The following CCDC93 variants were observed in gnomAD, a reference collection of about 807,000 sequenced individuals.
The protein encoded by CCDC93 is CCC complex scaffolding subunit CCDC93, also known as coiled-coil domain-containing protein 93.
CCDC93 carries 61 observed loss-of-function variants against 108.2 expected under a neutral mutation model. The ratio of observed to expected loss-of-function variants is 0.56; its 90% CI spans 0.46 to 0.70. CCDC93 has a LOEUF of 0.70. Among genes scored for constraint, CCDC93 ranks in the 30% least tolerant of loss-of-function variants. The pLI is 0.00. For missense variants in CCDC93, 685 were observed against 764.2 expected, an observed-to-expected ratio of 0.90 and a Z score of 1.22; for synonymous variants, 276 against 260.4, an observed-to-expected ratio of 1.06 and a Z score of -0.58.
chr2:117,925,256 A>T (rs866419631), intron 23 of CCDC93, among the ~76,000 whole-genome samples: 12 of 152,212 alleles, frequency 7.9e-5, no homozygotes. Context: ...GACAGGATCA[A>T]ATTCACACAT....
chr2:117,967,685 G>A (rs1679632261), intron 11 of CCDC93, among the ~76,000 whole-genome samples: 1 of 152,190 alleles, frequency 6.6e-6, no homozygotes, highest in African/African-American at 2.4e-5. Context: ...CTTATTAGCT[G>A]TATGGCACTG....
chr2:117,999,887 AC>A, intron 4 of CCDC93: 1 of 144,764 alleles, frequency 6.9e-6, no homozygotes, highest in Non-Finnish European at 1.5e-5. Context: ...CCCCCCACCC[AC>A]CCCCAAACAT....
At chr2:117,969,030 T>A (rs1465474874) in intron 11 of CCDC93, among the ~76,000 whole-genome samples, 1 of 152,198 alleles carries the variant, frequency 6.6e-6, no homozygotes, top group Non-Finnish European at 1.5e-5. Context: ...TCCCACCTGC[T>A]GATGTTCACA....
intron 11 of CCDC93, among the ~76,000 whole-genome samples, chr2:117,968,033 TC>T: frequency 6.6e-6 from 1 of 152,214 alleles, no homozygotes; most frequent in Non-Finnish European, 1.5e-5. Flanking sequence ...AATCTGTGCC[TC>T]TAGAGCTATA....
intron 20 of CCDC93, chr2:117,936,940 T>C (rs1002212494): frequency 1.8e-6 from 1 of 569,530 alleles, no homozygotes; most frequent in African/African-American, 1.9e-5. Flanking sequence ...TCCACCTTCT[T>C]CTCACAGAAA....
intron 11 of CCDC93, among the ~76,000 whole-genome samples, chr2:117,967,278 C>A (rs538518313): frequency 4.1e-4 from 62 of 152,320 alleles, no homozygotes; most frequent in Non-Finnish European, 4.4e-5. Flanking sequence ...CAGGCGTGAG[C>A]CACCATGCCT....
chr2:117,931,251 T>G, intron 22 of CCDC93, 101 bp from the exon 23 acceptor site: 1 of 750,350 alleles, frequency 1.3e-6, no homozygotes, highest in Non-Finnish European at 2.3e-6. Flanking sequence ...TTCATGGATT[T>G]CCTTACAGTA....
chr2:117,969,355 C>T (rs921608619), intron 11 of CCDC93, among the ~76,000 whole-genome samples: 52 of 152,146 alleles, frequency 3.4e-4, no homozygotes, highest in African/African-American at 1.0e-3. Context: ...AGCTTGGAAG[C>T]GAATCCTTCC....
intron 19 of CCDC93, among the ~76,000 whole-genome samples, chr2:117,939,654 CT>C (rs1443648286): frequency 2.0e-5 from 3 of 152,176 alleles, no homozygotes; most frequent in African/African-American, 7.2e-5. Flanking sequence ...CTGCTGATCC[CT>C]GCCTCTGATC....
intron 20 of CCDC93, 37 bp downstream of exon 20, chr2:117,938,992 A>G: frequency 8.8e-7 from 1 of 1,135,762 alleles, no homozygotes; most frequent in Non-Finnish European, 1.3e-6. Flanking sequence ...CTGCACTGTT[A>G]GCTGCTTAGC....
intron 1 of CCDC93, among the ~76,000 whole-genome samples, chr2:118,013,655 A>G (rs1361677676): frequency 1.3e-5 from 2 of 152,122 alleles, no homozygotes; most frequent in Non-Finnish European, 2.9e-5. Flanking sequence ...GTGGGAGCCC[A>G]GGACCCCGCG....
Position 117,920,086 on chromosome 2 carries a change from T to G in CCDC93, c.*257A>C, listed in dbSNP as rs1384298457. ...TGTTACTGGAGACATAAAAGTTGAATCAACAGAGAACAAGTACTCCCTATA... is the reference window on the plus strand; with the variant it reads ...TGTTACTGGAGACATAAAAGTTGAAGCAACAGAGAACAAGTACTCCCTATA... On this transcript the variant is annotated 3_prime_UTR_variant, in exon 24 of 24. Transcript: ENST00000376300. 1 of 355,916 alleles carries G rather than the reference T, an allele frequency of 2.8e-6. No homozygotes were observed. Among genetic ancestry groups the G allele is most frequent in the Non-Finnish European group, 5.1e-6 (1 of 195,280 alleles). 22.0% of individuals were successfully genotyped at this position (355,916 alleles called of 1,614,324 possible).
intron 4 of CCDC93, among the ~76,000 whole-genome samples, chr2:118,000,409 G>A (rs940965895): frequency 3.3e-5 from 5 of 152,120 alleles, no homozygotes; most frequent in East Asian, 1.9e-4. Flanking sequence ...AACTAGCAAC[G>A]CAAAAGCACT....
intron 11 of CCDC93, among the ~76,000 whole-genome samples, chr2:117,961,385 A>C (rs926393240): frequency 2.0e-5 from 3 of 152,136 alleles, no homozygotes; most frequent in African/African-American, 7.2e-5. Flanking sequence ...GTAAATGTAC[A>C]TTTACTGGCG....
chr2:117,922,556 G>A (rs926778366), intron 23 of CCDC93, among the ~76,000 whole-genome samples: 1 of 152,172 alleles, frequency 6.6e-6, no homozygotes, highest in Non-Finnish European at 1.5e-5. Flanking sequence ...GTGCATAACT[G>A]TTGCCCATTT....
At chr2:117,960,408 T>C (rs573828065) in intron 11 of CCDC93, among the ~76,000 whole-genome samples, 52 of 152,234 alleles carry the variant, frequency 3.4e-4, no homozygotes, top group Non-Finnish European at 7.1e-4. Flanking sequence ...GTGTGGGGGC[T>C]GAGTAAACTC....
intron 3 of CCDC93, among the ~76,000 whole-genome samples, chr2:118,004,064 C>CA: frequency 6.6e-6 from 1 of 152,318 alleles, no homozygotes; most frequent in East Asian, 1.9e-4. Context: ...TTCTCCACTG[C>CA]AAACAGCTTG....
rs1280732871 is a variant in CCDC93 at position 117,919,389 on chromosome 2, T to C, written c.*954A>G. 6.6e-6 allele frequency: 1 copy of C among 152,256 alleles called. No individual in the cohort carries two copies. Among genetic ancestry groups the C allele is most frequent in the South Asian group, 2.1e-4 (1 of 4,824 alleles). 9.4% of individuals were successfully genotyped at this position (152,256 alleles called of 1,614,324 possible). A position where few individuals can be genotyped will look rare whatever the true frequency, so the allele number is the denominator to read the frequency against. On this transcript the variant is annotated 3_prime_UTR_variant, in exon 24 of 24. Coordinates refer to ENST00000376300, the MANE Select transcript of CCDC93 (RefSeq NM_019044.5). ...CTCCCTTTAGATAGGGCTCAAATGC[T>C]GCCTCCTCCAGGAAGTTTCCCTGGA...
intron 2 of CCDC93, among the ~76,000 whole-genome samples, chr2:118,007,220 G>C (rs1261296352): frequency 1.3e-5 from 2 of 152,236 alleles, no homozygotes; most frequent in Admixed American, 1.3e-4. Flanking sequence ...TGGGCAGCAA[G>C]GCTGACATTT....
Sources: allele counts gnomAD v4.1 joint callset (sites outside exome capture counted in the v4.1 genomes callset), GRCh38; gene constraint gnomAD v4.1.1; transcripts MANE v1.5; gene names NCBI Gene and HGNC (gene_info 2026-07-23, HGNC 2026-07-21).